The following IMMP2L variants were observed in gnomAD, a reference collection of about 807,000 sequenced individuals.
IMMP2L encodes the protein inner mitochondrial membrane peptidase subunit 2, also known as mitochondrial inner membrane protease subunit 2.
A neutral mutation model predicts 19.3 loss-of-function variants in IMMP2L; 18 were observed. The ratio of observed to expected loss-of-function variants is 0.93; its 90% CI spans 0.64 to 1.38. The LOEUF is 1.38. IMMP2L is among the 40% of genes most tolerant of loss of function. IMMP2L has a pLI of 0.00. For missense variants in IMMP2L, 233 were observed against 218.2 expected, an observed-to-expected ratio of 1.07 and a Z score of -0.43; for synonymous variants, 76 against 73.0, an observed-to-expected ratio of 1.04 and a Z score of -0.21.
At chr7:110,740,328 G>A (rs912178261) in intron 5 of IMMP2L, among the ~76,000 whole-genome samples, 2 of 152,048 alleles carry the variant, frequency 1.3e-5, no homozygotes, top group Non-Finnish European at 2.9e-5. Flanking sequence ...GACCATTAGC[G>A]AGATTAACCA....
intron 3 of IMMP2L, among the ~76,000 whole-genome samples, chr7:111,268,143 A>C (rs142193879): frequency 2.1e-3 from 316 of 152,246 alleles, no homozygotes; most frequent in African/African-American, 7.4e-3. Flanking sequence ...TGATGTTTTA[A>C]ATTCTACCAT....
chr7:110,848,650 C>T (rs996730003), intron 5 of IMMP2L, among the ~76,000 whole-genome samples: 3 of 152,130 alleles, frequency 2.0e-5, no homozygotes, highest in Non-Finnish European at 4.4e-5. Flanking sequence ...AACTGGGAAG[C>T]AATCAACATG....
intron 3 of IMMP2L, among the ~76,000 whole-genome samples, chr7:110,968,901 T>A (rs1195320793): frequency 6.6e-6 from 1 of 152,082 alleles, no homozygotes; most frequent in Non-Finnish European, 1.5e-5. Flanking sequence ...AATAAATTCA[T>A]AAAGGAGATC....
chr7:111,440,198 A>C (rs889318667), intron 3 of IMMP2L, among the ~76,000 whole-genome samples: 2 of 151,848 alleles, frequency 1.3e-5, no homozygotes, highest in Non-Finnish European at 2.9e-5. Context: ...ATCATGAATC[A>C]CAAATCCCAT....
chr7:111,351,483 C>A (rs1034521345), intron 3 of IMMP2L, among the ~76,000 whole-genome samples: 16 of 152,156 alleles, frequency 1.1e-4, no homozygotes, highest in African/African-American at 3.9e-4. Context: ...GCCACCGCAC[C>A]CGGCCCATCT....
intron 3 of IMMP2L, among the ~76,000 whole-genome samples, chr7:111,368,129 G>A (rs1249022546): frequency 6.6e-6 from 1 of 151,564 alleles, no homozygotes; most frequent in African/African-American, 2.4e-5. Context: ...GAAAATGCTG[G>A]TTATATTGGA....
At position 110,756,530 on chromosome 7, in the gene IMMP2L, T is replaced by G. The variant is rs1798051905; in HGVS notation, c.409-92809A>C. ...TTTTGAACCCATGGCTAGAGTATACTGCAGAGTCTGAATAGTCAGGAAAGA... is the reference window on the plus strand; with the variant it reads ...TTTTGAACCCATGGCTAGAGTATACGGCAGAGTCTGAATAGTCAGGAAAGA... On this transcript the variant is annotated intron_variant, in intron 5 of 5. Coordinates refer to ENST00000405709, the MANE Select transcript of IMMP2L (RefSeq NM_032549.4). Among the ~76,000 whole-genome samples, 3 of 152,066 alleles carry G rather than the reference T, an allele frequency of 2.0e-5. No homozygotes were observed. In the South Asian group the frequency reaches 6.2e-4, roughly 31 times the overall value.
intron 5 of IMMP2L, among the ~76,000 whole-genome samples, chr7:110,766,687 T>C (rs1438227321): frequency 6.6e-6 from 1 of 152,094 alleles, no homozygotes; most frequent in Non-Finnish European, 1.5e-5. Context: ...TAATTTGCCA[T>C]TTTTAATCCT....
chr7:110,934,940 C>T (rs553635195), intron 4 of IMMP2L, among the ~76,000 whole-genome samples: 1 of 152,290 alleles, frequency 6.6e-6, no homozygotes, highest in South Asian at 2.1e-4. Flanking sequence ...TAAGTCTTGA[C>T]TCTTTATCCA....
At position 111,122,222 on chromosome 7, in the gene IMMP2L, TA is replaced by T. The variant is rs199642974; in HGVS notation, c.240-158658del. 3.3e-5 allele frequency among the ~76,000 whole-genome samples: 5 copies of T among 150,048 alleles called. No individual in the cohort carries two copies. The East Asian group carries it at 5.9e-4, about 18-fold the overall frequency. ...ATGTACCCTAAAACTTAAAGTATAATAAAAAAAAAGAATTATCAAGGACAGT... is the reference window on the plus strand; with the variant it reads ...ATGTACCCTAAAACTTAAAGTATAATAAAAAAAAGAATTATCAAGGACAGT... On this transcript the variant is annotated intron_variant, in intron 3 of 5. Coordinates refer to ENST00000405709, the MANE Select transcript of IMMP2L (RefSeq NM_032549.4).
At chr7:111,019,622 TAGAAA>T (rs1310561977) in intron 3 of IMMP2L, among the ~76,000 whole-genome samples, 2 of 152,104 alleles carry the variant, frequency 1.3e-5, no homozygotes, top group Non-Finnish European at 2.9e-5. Context: ...AAAATGACTT[TAGAAA>T]AGAAAAGACA....
chr7:111,311,784 T>G (rs1823548709), intron 3 of IMMP2L, among the ~76,000 whole-genome samples: 1 of 152,086 alleles, frequency 6.6e-6, no homozygotes, highest in Admixed American at 6.6e-5. Flanking sequence ...CATCAAAAAT[T>G]AAAAGTTTGG....
chr7:111,083,356 A>G (rs1261503093), intron 3 of IMMP2L, among the ~76,000 whole-genome samples: 1 of 152,198 alleles, frequency 6.6e-6, no homozygotes, highest in Admixed American at 6.5e-5. Flanking sequence ...CACTATGTTA[A>G]TCATCCAATT....
chr7:110,796,796 T>C (rs1400172680), intron 5 of IMMP2L, among the ~76,000 whole-genome samples: 1 of 152,052 alleles, frequency 6.6e-6, no homozygotes, highest in Non-Finnish European at 1.5e-5. Context: ...CTTCTTTCAA[T>C]ACTTGGTTAA....
intron 4 of IMMP2L, among the ~76,000 whole-genome samples, chr7:110,937,227 T>G (rs143635906): frequency 6.6e-6 from 1 of 152,154 alleles, no homozygotes; most frequent in South Asian, 2.1e-4. Flanking sequence ...AACATTACGC[T>G]AAGTGAAAAA....
At chr7:111,113,377 T>C (rs551491389) in intron 3 of IMMP2L, among the ~76,000 whole-genome samples, 3 of 152,230 alleles carry the variant, frequency 2.0e-5, no homozygotes, top group East Asian at 1.9e-4. Flanking sequence ...GCAATCAATA[T>C]AGAATAGTCT....
intron 3 of IMMP2L, among the ~76,000 whole-genome samples, chr7:110,978,395 A>C (rs1311765432): frequency 1.3e-5 from 2 of 152,082 alleles, no homozygotes; most frequent in African/African-American, 4.8e-5. Context: ...CCAAAAAGGC[A>C]CAAATTGGAT....
intron 5 of IMMP2L, among the ~76,000 whole-genome samples, chr7:110,703,365 C>T (rs1349597628): frequency 6.6e-6 from 1 of 151,908 alleles, no homozygotes; most frequent in Non-Finnish European, 1.5e-5. Flanking sequence ...TTTGTGTCTA[C>T]CTTCACTGGA....
chr7:111,148,288 T>A (rs1803698878), intron 3 of IMMP2L, among the ~76,000 whole-genome samples: 1 of 152,042 alleles, frequency 6.6e-6, no homozygotes, highest in African/African-American at 2.4e-5. Context: ...TCCAATTACA[T>A]GAAATAGTGA....
Sources: allele counts gnomAD v4.1 joint callset (sites outside exome capture counted in the v4.1 genomes callset), GRCh38; gene constraint gnomAD v4.1.1; transcripts MANE v1.5; gene names NCBI Gene and HGNC (gene_info 2026-07-23, HGNC 2026-07-21).